ACTR3C: variants seen among roughly 807,000 people sequenced by gnomAD.
ACTR3C encodes actin-related protein 3C.
A neutral mutation model predicts 26.3 loss-of-function variants in ACTR3C; 18 were observed. That is an observed-to-expected ratio of 0.68 (90% CI 0.47 to 1.01). The LOEUF (loss-of-function observed/expected upper bound fraction) is 1.01. ACTR3C is among the 50% of genes least tolerant of loss of function. ACTR3C has a pLI of 0.00. For missense variants in ACTR3C, 184 were observed against 250.7 expected (o/e 0.73, Z 1.80); for synonymous variants, 55 against 94.5 (o/e 0.58, Z 2.42).
At chr7:150,094,783 G>A in the ACTR3C span, among the ~76,000 whole-genome samples, 2 of 150,848 alleles carry the variant, frequency 1.3e-5, no homozygotes, top group African/African-American at 2.5e-5. Context: ...ATGGGGAATG[G>A]CGGCAGTGAG....
the ACTR3C span, among the ~76,000 whole-genome samples, chr7:149,985,085 C>A: frequency 6.6e-6 from 1 of 152,130 alleles, no homozygotes; most frequent in Non-Finnish European, 1.5e-5. Context: ...CCCATCAAGA[C>A]ACTGTGTGCA....
chr7:149,882,153 C>G, the ACTR3C span: 1 of 152,356 alleles, frequency 6.6e-6, no homozygotes, highest in Non-Finnish European at 1.5e-5. Flanking sequence ...GAAGCCACAC[C>G]CAGCCCGCCA....
At chr7:150,035,987 C>A in the ACTR3C span, among the ~76,000 whole-genome samples, 87 of 131,138 alleles carry the variant, frequency 6.6e-4, 2 homozygotes, top group African/African-American at 2.3e-3. Context: ...TCAGTCCCTG[C>A]CTCGCGGGGG....
chr7:149,928,269 C>T, the ACTR3C span, among the ~76,000 whole-genome samples: 2 of 150,040 alleles, frequency 1.3e-5, no homozygotes, highest in Non-Finnish European at 3.0e-5. Context: ...GCGATCTCAG[C>T]TCACTGCAAC....
At chr7:150,092,018 A>G in the ACTR3C span, among the ~76,000 whole-genome samples, 13 of 141,690 alleles carry the variant, frequency 9.2e-5, no homozygotes, top group Admixed American at 2.8e-4. Flanking sequence ...AAAAAAAAAA[A>G]AAAAGAAATA....
intron 1 of ACTR3C, among the ~76,000 whole-genome samples, chr7:150,297,224 T>C (rs1285464032): frequency 6.7e-6 from 1 of 149,662 alleles, no homozygotes; most frequent in Non-Finnish European, 1.5e-5. Flanking sequence ...CAATCAAGTA[T>C]GTTACAAAAT....
the ACTR3C span, among the ~76,000 whole-genome samples, chr7:149,946,525 C>A: frequency 6.6e-6 from 1 of 152,182 alleles, no homozygotes; most frequent in Non-Finnish European, 1.5e-5. Flanking sequence ...GGCGAGTCCC[C>A]CTGTTCTCCC....
chr7:149,940,816 C>T, the ACTR3C span, among the ~76,000 whole-genome samples: 2 of 147,896 alleles, frequency 1.4e-5, no homozygotes, highest in East Asian at 4.0e-4. Context: ...ATGCATGGGG[C>T]GGGTGGGTAG....
At chr7:150,320,840 G>A (rs926417605) in intron 1 of ACTR3C, among the ~76,000 whole-genome samples, 4 of 152,204 alleles carry the variant, frequency 2.6e-5, no homozygotes, top group Non-Finnish European at 5.9e-5. Flanking sequence ...GATCAAGAGT[G>A]CTGACTTCCT....
At chr7:150,085,409 C>T in the ACTR3C span, among the ~76,000 whole-genome samples, 7 of 151,982 alleles carry the variant, frequency 4.6e-5, no homozygotes, top group East Asian at 1.4e-3. Context: ...ATAGTGCAAT[C>T]GAAGGGAAAA....
Position 150,252,821 on chromosome 7 carries a change from C to T in ACTR3C, c.565-3767G>A, listed in dbSNP as rs1170777870. 3.3e-5 allele frequency among the ~76,000 whole-genome samples: 5 copies of T among 152,130 alleles called. No homozygotes were observed. The East Asian group carries it at 9.6e-4, about 29-fold the overall frequency. ...TGTATCCTCGAATTAAATTGCTTTT[C>T]AATGGCGTTAAGGTAAAATAATGCC... On this transcript the variant is annotated intron_variant, in intron 6 of 7. Coordinates refer to ENST00000683684, the MANE Select transcript of ACTR3C (RefSeq NM_001164458.2).
chr7:149,914,921 C>A, the ACTR3C span, among the ~76,000 whole-genome samples: 1 of 151,390 alleles, frequency 6.6e-6, no homozygotes, highest in Non-Finnish European at 1.5e-5. Flanking sequence ...GCTCTGTCAC[C>A]CAGGCTGGAG....
the ACTR3C span, among the ~76,000 whole-genome samples, chr7:150,037,930 T>C: frequency 1.1e-4 from 14 of 129,518 alleles, 1 homozygote; most frequent in African/African-American, 4.2e-4. Context: ...GAGGGGTGCC[T>C]CCCCCCCTGC....
the ACTR3C span, among the ~76,000 whole-genome samples, chr7:149,943,641 G>A: frequency 6.6e-6 from 1 of 152,158 alleles, no homozygotes; most frequent in African/African-American, 2.4e-5. Flanking sequence ...AACCTAGGAA[G>A]CAGAGGTTGC....
the ACTR3C span, among the ~76,000 whole-genome samples, chr7:150,017,931 A>G: frequency 6.7e-6 from 1 of 150,182 alleles, no homozygotes; most frequent in Non-Finnish European, 1.5e-5. Flanking sequence ...CACAGGTTCC[A>G]AAGGCTGATT....
the ACTR3C span, among the ~76,000 whole-genome samples, chr7:150,005,754 T>C: frequency 8.3e-4 from 126 of 152,054 alleles, 1 homozygote; most frequent in African/African-American, 2.7e-3. Context: ...ATTGTTATAC[T>C]GCGAGAGACT....
the ACTR3C span, among the ~76,000 whole-genome samples, chr7:149,909,935 G>T: frequency 6.9e-6 from 1 of 145,700 alleles, no homozygotes; most frequent in African/African-American, 2.6e-5. Flanking sequence ...TAGAAAAAAA[G>T]AAACACATAT....
chr7:150,298,368 T>A (rs1216342379), intron 1 of ACTR3C, among the ~76,000 whole-genome samples: 2 of 150,166 alleles, frequency 1.3e-5, no homozygotes, highest in African/African-American at 2.5e-5. Flanking sequence ...CATAACATTT[T>A]AAAAAAATAG....
chr7:150,172,458 A>G, the ACTR3C span, among the ~76,000 whole-genome samples: 1 of 150,686 alleles, frequency 6.6e-6, no homozygotes, highest in South Asian at 2.1e-4. Context: ...ACCAGTCCCC[A>G]TGATTTAATT....
Sources: allele counts gnomAD v4.1 joint callset (sites outside exome capture counted in the v4.1 genomes callset), GRCh38; gene constraint gnomAD v4.1.1; transcripts MANE v1.5; gene names NCBI Gene and HGNC (gene_info 2026-07-23, HGNC 2026-07-21).